TNK1: variants seen among roughly 807,000 people sequenced by gnomAD.
TNK1 encodes non-receptor tyrosine-protein kinase TNK1.
A neutral mutation model predicts 65.2 loss-of-function variants in TNK1; 53 were observed. The ratio of observed to expected loss-of-function variants is 0.81; its 90% CI spans 0.65 to 1.02. TNK1 has a LOEUF of 1.02. Among genes scored for constraint, TNK1 ranks in the 50% least tolerant of loss-of-function variants. The pLI is 0.00. For synonymous variants in TNK1, 353 were observed against 364.6 expected, an observed-to-expected ratio of 0.97 and a Z score of 0.36; for missense variants, 837 against 878.4, an observed-to-expected ratio of 0.95 and a Z score of 0.60.
At position 7,382,042 on chromosome 17, in the gene TNK1, C is replaced by T. The variant is rs925914713; in HGVS notation, c.-91-794C>T. 9.9e-5 allele frequency among the ~76,000 whole-genome samples: 15 copies of T among 152,056 alleles called. No individual in the cohort carries two copies. The highest frequency in any genetic ancestry group is 1.8e-4 in the Non-Finnish European group (12 of 68,002). On this transcript the variant is annotated intron_variant, in intron 1 of 12. Coordinates refer to ENST00000688331, the MANE Select transcript of TNK1 (RefSeq NM_003985.6). The surrounding 1 kb of genome is among the most constrained non-coding windows in gnomAD (Gnocchi z 4.1). Reference sequence around the variant, plus strand: ...CAGCACTTTGGGTGGCCGAGGCGGGCGGATCACGAGGTCAGGAGTTCAAGA... The same window carrying T: ...CAGCACTTTGGGTGGCCGAGGCGGGTGGATCACGAGGTCAGGAGTTCAAGA...
In TNK1 at chr17:7,382,589, T is replaced by C. The variant is rs137979492; in HGVS notation, c.-91-247T>C. ...AGGGCAGTGTTTCTGGGTGTCCGGG[T>C]GTGTGATGTGCCGTGATATTTCAGA... On this transcript the variant is annotated intron_variant, in intron 1 of 12. Coordinates refer to ENST00000688331, the MANE Select transcript of TNK1 (RefSeq NM_003985.6). The surrounding 1 kb of genome is among the most constrained non-coding windows in gnomAD (Gnocchi z 4.1). Among the ~76,000 whole-genome samples, 1,614 of 152,080 alleles carry C rather than the reference T, an allele frequency of 0.011. 31 individuals carry two copies. Among genetic ancestry groups the C allele is most frequent in the African/African-American group, 0.037 (1,536 of 41,474 alleles).
In TNK1 at chr17:7,381,530, A is replaced by G. The variant is rs534087322; in HGVS notation, c.-92+416A>G. 2.6e-5 allele frequency among the ~76,000 whole-genome samples: 4 copies of G among 152,286 alleles called. No homozygotes were observed. The East Asian group carries it at 7.7e-4, about 29-fold the overall frequency. On this transcript the variant is annotated intron_variant, in intron 1 of 12. Coordinates refer to ENST00000688331, the MANE Select transcript of TNK1 (RefSeq NM_003985.6). ...GGTTGGTGGAGTTGCCTTGAAGCCA[A>G]GTTAGACCGAGTGACTCAGGCTGCC...
At position 7,382,955 on chromosome 17, in the gene TNK1, T is replaced by C; in HGVS notation, c.29T>C (p.Leu10Pro). The change falls in exon 2 of 13, where the codon CTA (leucine) becomes CCA (proline). Residue 10 changes from leucine to proline, a missense_variant. By Grantham distance (98) the Leu-to-Pro change is moderately conservative. Coordinates refer to ENST00000688331, the MANE Select transcript of TNK1 (RefSeq NM_003985.6). This position sits in a 1 kb window ranked among gnomAD's most constrained non-coding sequence, Gnocchi z 4.1. Reference protein sequence around the residue: MLPEAGSLWLLKLLRDIQLA... With the variant: MLPEAGSLWPLKLLRDIQLA... ...CTTCCTGAGGCTGGCTCCCTGTGGC[T>C]ACTGAAGCTGCTCCGGGACATCCAG... 2 of 1,614,038 alleles carry C rather than the reference T, an allele frequency of 1.2e-6. No individual in the cohort carries two copies. Among genetic ancestry groups the C allele is most frequent in the Non-Finnish European group, 1.7e-6 (2 of 1,179,884 alleles).
At position 7,383,026 on chromosome 17, in the gene TNK1, C is replaced by T. The variant is rs757575289; in HGVS notation, c.100C>T (p.Arg34Trp). The T allele has an allele frequency of 8.1e-6, 13 of 1,613,912 alleles. No individual in the cohort carries two copies. The highest frequency in any genetic ancestry group is 5.3e-5 in the African/African-American group (4 of 74,926). ...CATCCTTGAGGAGCTTAATGTCACT[C>T]GGCCAGAGCACTTCGACTTTGTAAA... is the stretch of plus-strand genomic sequence containing the variant. Reference protein sequence around the residue: ...WPILEELNVTRPEHFDFVKPE... With the variant: ...WPILEELNVTWPEHFDFVKPE... Residue 34 changes from arginine (R) to tryptophan (W), a missense_variant, in exon 2 of 13, where the codon CGG (arginine) becomes TGG (tryptophan). Physicochemically the swap from Arg to Trp is moderately radical, Grantham distance 101. Coordinates refer to ENST00000688331, the MANE Select transcript of TNK1 (RefSeq NM_003985.6).
chr17:7,382,953 G>A lies in TNK1; in HGVS notation c.27G>A (p.Trp9Ter), dbSNP rs1285264649. The change falls in exon 2 of 13, where the codon TGG becomes TGA. Residue 9 changes from tryptophan to a stop codon, truncating the protein, a stop_gained. Coordinates refer to ENST00000688331, the MANE Select transcript of TNK1 (RefSeq NM_003985.6). LOFTEE classifies it high-confidence loss of function. The surrounding 1 kb of genome is among the most constrained non-coding windows in gnomAD (Gnocchi z 4.1). ...TGCTTCCTGAGGCTGGCTCCCTGTG[G>A]CTACTGAAGCTGCTCCGGGACATCC... MLPEAGSL[W>*]LLKLLRDIQL... 1.9e-6 allele frequency: 3 copies of A among 1,613,984 alleles called. No homozygotes were observed. Among genetic ancestry groups the A allele is most frequent in the South Asian group, 2.2e-5 (2 of 91,090 alleles).
Position 7,383,372 on chromosome 17 carries a change from G to C in TNK1, c.234+52G>C, listed in dbSNP as rs1239706756. ...GCCTGGGAATGAGGTGGCTTGAGGG[G>C]CAGGGAGGGGGGCGCAGGGCTCTGC... is the stretch of plus-strand genomic sequence containing the variant. On this transcript the variant is annotated intron_variant, in intron 3 of 12. Coordinates refer to ENST00000688331, the MANE Select transcript of TNK1 (RefSeq NM_003985.6). 8 of 1,613,718 alleles carry C rather than the reference G, an allele frequency of 5.0e-6. No homozygotes were observed. The East Asian group carries it at 1.6e-4, about 31-fold the overall frequency.
At chr17:7,385,639 A>G (rs1048645859) in intron 7 of TNK1, among the ~76,000 whole-genome samples, 1 of 152,030 alleles carries the variant, frequency 6.6e-6, no homozygotes, top group Admixed American at 6.6e-5. Context: ...ATCTTGGCTC[A>G]CTGCAACCTC....
In TNK1 at chr17:7,388,100, C is replaced by T. The variant is rs1905293098; in HGVS notation, c.1478-306C>T. Among the ~76,000 whole-genome samples the T allele has an allele frequency of 6.6e-6, 1 of 152,150 alleles. No homozygotes were observed. The highest frequency in any genetic ancestry group is 2.4e-5 in the African/African-American group (1 of 41,444). On this transcript the variant is annotated intron_variant, in intron 10 of 12. Coordinates refer to ENST00000688331, the MANE Select transcript of TNK1 (RefSeq NM_003985.6). The surrounding 1 kb of genome is among the most constrained non-coding windows in gnomAD (Gnocchi z 4.5). ...GGGCTGGCTAGCTCATCTGCAAATG[C>T]TTGCAAAACCATCCAGCTCAGCACA...
chr17:7,383,397 C>A, intron 3 of TNK1, 28 bp from the exon 4 acceptor site: 1 of 1,613,936 alleles, frequency 6.2e-7, no homozygotes, highest in Non-Finnish European at 8.5e-7. Flanking sequence ...CAGGGCTCTG[C>A]ATACCGGATT....
In TNK1 at chr17:7,389,570, A is replaced by G. The variant is rs1164901322; in HGVS notation, c.*486A>G. The G allele has an allele frequency of 1.3e-5, 4 of 309,762 alleles. No homozygotes were observed. The Admixed American group carries it at 1.5e-4, about 11-fold the overall frequency. The allele number at this position is 309,762 out of a possible 1,614,324, so 19.2% of individuals were successfully genotyped here. On this transcript the variant is annotated 3_prime_UTR_variant, in exon 13 of 13. Transcript: ENST00000688331. ...AACTGCCTTCGTTTGGTCCAGGGCCATCGTGGGTGATGACGATTGCTCTCT... is the reference window on the plus strand; with the variant it reads ...AACTGCCTTCGTTTGGTCCAGGGCCGTCGTGGGTGATGACGATTGCTCTCT...
chr17:7,383,127 C>A (rs1200506960), intron 2 of TNK1, 38 bp downstream of exon 2: 1 of 1,613,120 alleles, frequency 6.2e-7, no homozygotes, highest in Admixed American at 1.7e-5. Flanking sequence ...GTCTCTCTGT[C>A]CACAGCCTAT....
rs756307920 is a variant in TNK1, at chr17:7,388,710, G to T, written c.1776+6G>T. The T allele has an allele frequency of 1.9e-6, 3 of 1,611,386 alleles. No homozygotes were observed. Among genetic ancestry groups the T allele is most frequent in the African/African-American group, 2.7e-5 (2 of 74,816 alleles). Reference sequence around the variant, plus strand: ...TGCAGAGGAAGATTATGGAGGTGAGGTCTCACTGAAATGGCCTGGTGTCCA... The same window carrying T: ...TGCAGAGGAAGATTATGGAGGTGAGTTCTCACTGAAATGGCCTGGTGTCCA... On this transcript the variant is annotated splice_donor_region_variant and intron_variant, in intron 11 of 12. Coordinates refer to ENST00000688331, the MANE Select transcript of TNK1 (RefSeq NM_003985.6). This position sits in a 1 kb window ranked among gnomAD's most constrained non-coding sequence, Gnocchi z 4.5.
chr17:7,389,152 A>G lies in TNK1; in HGVS notation c.*68A>G. On this transcript the variant is annotated 3_prime_UTR_variant, in exon 13 of 13. Transcript: ENST00000688331. ...GCCCCTGAGGGCCTGGCCACATGGGACCAAGCGGAACCAGAACAAGGTCCC... is the reference window on the plus strand; with the variant it reads ...GCCCCTGAGGGCCTGGCCACATGGGGCCAAGCGGAACCAGAACAAGGTCCC... The G allele has an allele frequency of 3.2e-6, 4 of 1,249,778 alleles. No individual in the cohort carries two copies. Among genetic ancestry groups the G allele is most frequent in the Non-Finnish European group, 4.5e-6 (4 of 883,892 alleles). The allele number at this position is 1,249,778 out of a possible 1,614,324, so 77.4% of individuals were successfully genotyped here.
In TNK1 at chr17:7,388,724, G is replaced by C. The variant is rs1241617805; in HGVS notation, c.1776+20G>C. On this transcript the variant is annotated intron_variant, in intron 11 of 12. Coordinates refer to ENST00000688331, the MANE Select transcript of TNK1 (RefSeq NM_003985.6). The surrounding 1 kb of genome is among the most constrained non-coding windows in gnomAD (Gnocchi z 4.5). Reference sequence around the variant, plus strand: ...ATGGAGGTGAGGTCTCACTGAAATGGCCTGGTGTCCAGAAGGGGCTACAGG... The same window carrying C: ...ATGGAGGTGAGGTCTCACTGAAATGCCCTGGTGTCCAGAAGGGGCTACAGG... The C allele has an allele frequency of 5.6e-6, 9 of 1,609,128 alleles. No homozygotes were observed. In the African/African-American group the frequency reaches 1.2e-4, roughly 22 times the overall value.
In TNK1 at chr17:7,382,921, C is replaced by G. The variant is rs544127209; in HGVS notation, c.-6C>G. ...GCCATCATCCTTAGGAACTCCTTCT[C>G]CAGACATGCTTCCTGAGGCTGGCTC... On this transcript the variant is annotated 5_prime_UTR_variant, in exon 2 of 13. Coordinates refer to ENST00000688331, the MANE Select transcript of TNK1 (RefSeq NM_003985.6). This position sits in a 1 kb window ranked among gnomAD's most constrained non-coding sequence, Gnocchi z 4.1. 2.2e-5 allele frequency: 35 copies of G among 1,613,760 alleles called. No individual in the cohort carries two copies. The South Asian group carries it at 3.6e-4, about 17-fold the overall frequency.
At chr17:7,383,152 C>T in intron 2 of TNK1, 63 bp downstream of exon 2, 1 of 1,611,500 alleles carries the variant, frequency 6.2e-7, no homozygotes, top group Non-Finnish European at 8.5e-7. Context: ...TGCCTTCCCC[C>T]ACCACAACCC....
chr17:7,382,860 T>A lies in TNK1; in HGVS notation c.-67T>A, dbSNP rs1487360883. 1 of 1,577,800 alleles carries A rather than the reference T, an allele frequency of 6.3e-7. No homozygotes were observed. The highest frequency in any genetic ancestry group is 1.3e-5 in the African/African-American group (1 of 74,260). ...GGTGGAGCTGGAGACCTGGTCTCTCTAGGGCCTACCCTGAGCTCACCATCT... is the reference window on the plus strand; with the variant it reads ...GGTGGAGCTGGAGACCTGGTCTCTCAAGGGCCTACCCTGAGCTCACCATCT... On this transcript the variant is annotated 5_prime_UTR_variant, in exon 2 of 13. Coordinates refer to ENST00000688331, the MANE Select transcript of TNK1 (RefSeq NM_003985.6). The surrounding 1 kb of genome is among the most constrained non-coding windows in gnomAD (Gnocchi z 4.1).
At position 7,386,699 on chromosome 17, in the gene TNK1, C is replaced by T. The variant is rs1232930321; in HGVS notation, c.1232+44C>T. The stretch of plus-strand genomic sequence containing the variant: ...CCAAGCACCCTCAGGAGGAGGATAC[C>T]CTCCCAGCCTAATTCCTGATCCCTT... On this transcript the variant is annotated intron_variant, in intron 8 of 12. Coordinates refer to ENST00000688331, the MANE Select transcript of TNK1 (RefSeq NM_003985.6). 5.4e-6 allele frequency: 8 copies of T among 1,469,338 alleles called. No individual in the cohort carries two copies. The South Asian group carries it at 7.3e-5, about 13-fold the overall frequency. 91.0% of individuals were successfully genotyped at this position (1,469,338 alleles called of 1,614,324 possible). A position where few individuals can be genotyped will look rare whatever the true frequency, so the allele number is the denominator to read the frequency against.
upstream of TNK1, chr17:7,380,451 C>G (rs529393047): frequency 5.2e-5 from 8 of 152,542 alleles, no homozygotes; most frequent in Middle Eastern, 6.8e-3. Flanking sequence ...GCATGGAGAG[C>G]AGGCGTTACG....
Sources: allele counts gnomAD v4.1 joint callset (sites outside exome capture counted in the v4.1 genomes callset), GRCh38; gene constraint gnomAD v4.1.1; non-coding constraint Gnocchi (gnomAD v3.1); transcripts MANE v1.5; gene names NCBI Gene and HGNC (gene_info 2026-07-23, HGNC 2026-07-21).